Variants in TMPRSS7 observed in about 807,000 individuals in gnomAD.
TMPRSS7 encodes transmembrane serine protease 7, also known as transmembrane protease serine 7.
A neutral mutation model predicts 95.6 loss-of-function variants in TMPRSS7; 81 were observed. That is an observed-to-expected ratio of 0.85 (90% CI 0.71 to 1.02). The LOEUF (loss-of-function observed/expected upper bound fraction) is 1.02. Among genes scored for constraint, TMPRSS7 ranks in the 50% least tolerant of loss-of-function variants. The pLI is 0.00. For synonymous variants in TMPRSS7, 364 were observed against 337.8 expected (o/e 1.08, Z -0.85); for missense variants, 945 against 955.2 (o/e 0.99, Z 0.14).
At chr3:112,063,769 C>T in intron 12 of TMPRSS7, 137 bp downstream of exon 12, 1 of 712,932 alleles carries the variant, frequency 1.4e-6, no homozygotes, top group Non-Finnish European at 2.4e-6. Flanking sequence ...AACCCAGTGA[C>T]TTAAACAATC....
chr3:112,062,543 C>T (rs2073522435), intron 11 of TMPRSS7, among the ~76,000 whole-genome samples: 1 of 152,140 alleles, frequency 6.6e-6, no homozygotes, highest in African/African-American at 2.4e-5. Flanking sequence ...AAAGATTGCC[C>T]ACTGAAGAGT....
chr3:112,056,380 A>C (rs752303815), intron 9 of TMPRSS7, among the ~76,000 whole-genome samples: 7 of 152,338 alleles, frequency 4.6e-5, no homozygotes, highest in South Asian at 2.1e-4. Flanking sequence ...CCTGGGTCAA[A>C]GTGAAAATCA....
exon 2 of TMPRSS7, chr3:112,038,117 C>T (rs2073166702): frequency 1.4e-6 from 1 of 702,472 alleles, no homozygotes; most frequent in Admixed American, 2.0e-5. Context: ...AAAGAAGCTG[C>T]CAGTGAGACG....
intron 3 of TMPRSS7, chr3:112,043,173 G>A: frequency 1.8e-5 from 8 of 449,648 alleles, no homozygotes; most frequent in South Asian, 1.3e-4. Context: ...TACGTAGCTG[G>A]AATGGCCTAC....
chr3:112,061,994 C>A, intron 11 of TMPRSS7, 71 bp downstream of exon 11: 2 of 1,266,230 alleles, frequency 1.6e-6, no homozygotes, highest in South Asian at 5.0e-5. Context: ...AATTCCAAAC[C>A]GTGAGAATTT....
intron 1 of TMPRSS7, 103 bp from the exon 2 acceptor site, chr3:112,037,968 GT>G (rs140885545): frequency 0.034 from 21,060 of 621,186 alleles, 499 homozygotes; most frequent in African/African-American, 0.085. Flanking sequence ...TGCTTAAATA[GT>G]CATATTTAGG....
intron 12 of TMPRSS7, among the ~76,000 whole-genome samples, chr3:112,064,101 C>T (rs1250857406): frequency 6.6e-6 from 1 of 152,186 alleles, no homozygotes; most frequent in Admixed American, 6.5e-5. Flanking sequence ...CAGGGAAATT[C>T]ACTCTGTACA....
At position 112,051,656 on chromosome 3, in the gene TMPRSS7, C is replaced by CTAT. The variant is rs771531846; in HGVS notation, c.1203+874_1203+876dup. Among the ~76,000 whole-genome samples the CTAT allele has an allele frequency of 5.6e-5, 5 of 89,960 alleles. No individual in the cohort carries two copies. The South Asian group carries it at 1.2e-3, about 21-fold the overall frequency. 59.0% of individuals were successfully genotyped at this position (89,960 alleles called of 152,430 possible). A position where few individuals can be genotyped will look rare whatever the true frequency, so the allele number is the denominator to read the frequency against. On this transcript the variant is annotated intron_variant, in intron 9 of 17. Coordinates refer to ENST00000452346, the Ensembl canonical transcript of TMPRSS7. ...TCTATCTATCTATCTATCTATCTAT[C>CTAT]TATCTATCTATCATCTATCTATCTA...
chr3:112,080,839 C>T, intron 17 of TMPRSS7, 75 bp from the exon 18 acceptor site: 8 of 1,444,792 alleles, frequency 5.5e-6, no homozygotes, highest in Non-Finnish European at 7.5e-6. Flanking sequence ...GAACACAATT[C>T]ATTAGATACA....
chr3:112,050,028 G>T, intron 8 of TMPRSS7, 54 bp downstream of exon 8: 1 of 1,471,984 alleles, frequency 6.8e-7, no homozygotes, highest in Non-Finnish European at 9.1e-7. Flanking sequence ...TGTAATGATA[G>T]GCTATTCTTA....
chr3:112,054,043 T>C (rs888664938), intron 9 of TMPRSS7, among the ~76,000 whole-genome samples: 2 of 152,212 alleles, frequency 1.3e-5, no homozygotes, highest in African/African-American at 2.4e-5. Context: ...GTCACCTCCT[T>C]ATATCACTTA....
At chr3:112,041,266 C>A (rs1414161050) in intron 2 of TMPRSS7, among the ~76,000 whole-genome samples, 1 of 151,656 alleles carries the variant, frequency 6.6e-6, no homozygotes, top group African/African-American at 2.4e-5. Context: ...TTCCTCCTCC[C>A]CTCCCCAGCC....
intron 10 of TMPRSS7, among the ~76,000 whole-genome samples, chr3:112,059,683 G>A (rs2107750721): frequency 6.6e-6 from 1 of 152,354 alleles, no homozygotes; most frequent in South Asian, 2.1e-4. Flanking sequence ...TAGCCAGAAG[G>A]ACATCTGCAC....
At chr3:112,065,210 T>C (rs1355436484) in intron 12 of TMPRSS7, among the ~76,000 whole-genome samples, 4 of 152,094 alleles carry the variant, frequency 2.6e-5, no homozygotes, top group Non-Finnish European at 5.9e-5. Flanking sequence ...CCACTAACTC[T>C]TTTTTGTTTT....
At chr3:112,063,596 A>G (rs1168659146) in exon 12 of TMPRSS7, 2 of 1,614,052 alleles carry the variant, frequency 1.2e-6, no homozygotes, top group African/African-American at 1.3e-5. Flanking sequence ...TGATGGAGTA[A>G]ATGACTGCTT....
At chr3:112,065,603 A>T (rs1009219494) in intron 12 of TMPRSS7, among the ~76,000 whole-genome samples, 4 of 152,202 alleles carry the variant, frequency 2.6e-5, no homozygotes, top group Admixed American at 2.6e-4. Context: ...CTAAGAGTCC[A>T]TTAGGTATAC....
chr3:112,049,300 C>T (rs1252346566), intron 7 of TMPRSS7, among the ~76,000 whole-genome samples: 1 of 152,192 alleles, frequency 6.6e-6, no homozygotes, highest in Non-Finnish European at 1.5e-5. Flanking sequence ...CTGTGGAGTG[C>T]TTTAATAAAT....
chr3:112,068,994 T>C (rs2073610242), intron 13 of TMPRSS7, among the ~76,000 whole-genome samples: 1 of 152,188 alleles, frequency 6.6e-6, no homozygotes, highest in Non-Finnish European at 1.5e-5. Context: ...TGAAATACAT[T>C]CCATCAATAC....
intron 3 of TMPRSS7, 46 bp downstream of exon 3, chr3:112,042,096 G>C: frequency 6.7e-7 from 1 of 1,486,102 alleles, no homozygotes; most frequent in Middle Eastern, 1.7e-4. Flanking sequence ...TGGGTTTGCG[G>C]GGAGGTGGGG....
Sources: allele counts gnomAD v4.1 joint callset (sites outside exome capture counted in the v4.1 genomes callset), GRCh38; gene constraint gnomAD v4.1.1; transcripts MANE v1.5; gene names NCBI Gene and HGNC (gene_info 2026-07-23, HGNC 2026-07-21).